The following TBC1D22A variants were observed in gnomAD, a reference collection of about 807,000 sequenced individuals.
TBC1D22A encodes TBC1 domain family member 22A.
TBC1D22A carries 38 observed loss-of-function variants against 60.2 expected under a neutral mutation model. The ratio of observed to expected loss-of-function variants is 0.63; its 90% CI spans 0.49 to 0.83. The LOEUF is 0.83. Among genes scored for constraint, TBC1D22A ranks in the 40% least tolerant of loss-of-function variants. The probability of loss-of-function intolerance (pLI) is 0.00; values close to 1 mark genes in which losing one functional copy is unlikely to be tolerated. For missense variants in TBC1D22A, 628 were observed against 701.0 expected, an observed-to-expected ratio of 0.90 and a Z score of 1.18; for synonymous variants, 302 against 281.7, an observed-to-expected ratio of 1.07 and a Z score of -0.72.
At chr22:46,898,561 A>T (rs1432389240) in intron 7 of TBC1D22A, among the ~76,000 whole-genome samples, 1 of 152,046 alleles carries the variant, frequency 6.6e-6, no homozygotes, top group Non-Finnish European at 1.5e-5. Context: ...AACGACATAG[A>T]CAAATGGAGC....
At chr22:46,913,378 A>G in intron 8 of TBC1D22A, 2 of 1,366,466 alleles carry the variant, frequency 1.5e-6, no homozygotes, top group Non-Finnish European at 9.8e-7. Context: ...CCTTGCTGTG[A>G]TCTGGAGAGA....
rs1555937381 is a variant in TBC1D22A, at chr22:46,904,134, T to TAC, written c.901-7940_901-7939insAC. Among the ~76,000 whole-genome samples, 175 of 66,562 alleles carry TAC rather than the reference T, an allele frequency of 2.6e-3. 1 individual carries two copies. Among genetic ancestry groups the TAC allele is most frequent in the African/African-American group, 0.013 (171 of 13,652 alleles). The allele number at this position is 66,562 out of a possible 152,430, so 43.7% of individuals were successfully genotyped here. ...ATCTATCTATCTATCTATCTATCTA[T>TAC]CTATCTATCTACCTACCTACCTACC... On this transcript the variant is annotated intron_variant, in intron 7 of 12. Transcript: ENST00000337137.
chr22:46,772,946 C>T (rs2083553042), intron 1 of TBC1D22A, among the ~76,000 whole-genome samples: 1 of 152,198 alleles, frequency 6.6e-6, no homozygotes, highest in Non-Finnish European at 1.5e-5. Flanking sequence ...CTTCCTTTAT[C>T]CACTTGTTGA....
intron 10 of TBC1D22A, among the ~76,000 whole-genome samples, chr22:46,998,898 C>T (rs1379791665): frequency 1.3e-5 from 2 of 152,266 alleles, no homozygotes; most frequent in Admixed American, 1.3e-4. Context: ...CGCTCCACCG[C>T]GCGGTCTTGT....
rs1343472676 is a variant in TBC1D22A, at chr22:46,833,592, G to T, written c.637+35972G>T. 3.9e-5 allele frequency among the ~76,000 whole-genome samples: 6 copies of T among 152,334 alleles called. No homozygotes were observed. In the East Asian group the frequency reaches 1.2e-3, roughly 29 times the overall value. ...TGATAAGACTCAAGCCAGCAACTGA[G>T]AAAGGACGAATATTCAAAGGAAGGG... is the stretch of plus-strand genomic sequence containing the variant. On this transcript the variant is annotated intron_variant, in intron 4 of 12. Coordinates refer to ENST00000337137, the MANE Select transcript of TBC1D22A (RefSeq NM_014346.5).
chr22:47,103,548 G>A (rs1485044427), intron 11 of TBC1D22A, among the ~76,000 whole-genome samples: 1 of 152,142 alleles, frequency 6.6e-6, no homozygotes, highest in Non-Finnish European at 1.5e-5. Flanking sequence ...AAGGCAGTGG[G>A]TATTTAAAAA....
chr22:46,973,071 G>A (rs765171517), intron 8 of TBC1D22A, among the ~76,000 whole-genome samples: 19 of 152,316 alleles, frequency 1.2e-4, no homozygotes, highest in Non-Finnish European at 2.2e-4. Flanking sequence ...GGGAGGTGGC[G>A]TGTCACCTCG....
At chr22:47,031,478 C>T (rs16996195) in intron 10 of TBC1D22A, among the ~76,000 whole-genome samples, 3,259 of 152,340 alleles carry the variant, frequency 0.021, 107 homozygotes, top group African/African-American at 0.073. Flanking sequence ...GTGAGGTTAA[C>T]GCTGTGTCCG....
At chr22:46,822,158 T>G (rs1217003358) in intron 4 of TBC1D22A, among the ~76,000 whole-genome samples, 1 of 152,074 alleles carries the variant, frequency 6.6e-6, no homozygotes, top group Non-Finnish European at 1.5e-5. Flanking sequence ...TCAAGGTTCT[T>G]AGCTTCTTTG....
At chr22:47,001,003 C>G (rs1184325193) in intron 10 of TBC1D22A, among the ~76,000 whole-genome samples, 1 of 152,100 alleles carries the variant, frequency 6.6e-6, no homozygotes, top group Non-Finnish European at 1.5e-5. Flanking sequence ...GAAAAATCAT[C>G]CCAAAGCTGG....
intron 11 of TBC1D22A, among the ~76,000 whole-genome samples, chr22:47,045,939 G>C (rs1005049198): frequency 1.3e-5 from 2 of 152,158 alleles, no homozygotes; most frequent in Non-Finnish European, 2.9e-5. Context: ...CCCAGCATCC[G>C]ATTTTTGGAG....
At chr22:47,059,132 G>A (rs1237327265) in intron 11 of TBC1D22A, among the ~76,000 whole-genome samples, 1 of 152,266 alleles carries the variant, frequency 6.6e-6, no homozygotes, top group South Asian at 2.1e-4. Context: ...CTCGGCCAGG[G>A]TAGGTGCTCT....
chr22:46,765,880 C>T (rs112743494), intron 1 of TBC1D22A, among the ~76,000 whole-genome samples: 3,337 of 151,182 alleles, frequency 0.022, 117 homozygotes, highest in African/African-American at 0.077. Flanking sequence ...TCCTGGGTCC[C>T]GGTTGAAGCA....
intron 12 of TBC1D22A, among the ~76,000 whole-genome samples, chr22:47,154,869 T>C (rs1345144890): frequency 1.3e-5 from 2 of 152,196 alleles, no homozygotes; most frequent in South Asian, 4.1e-4. Flanking sequence ...GCGTTTTCAC[T>C]CGGGATCGCT....
chr22:46,929,947 A>C (rs2071262106), intron 8 of TBC1D22A, among the ~76,000 whole-genome samples: 1 of 152,198 alleles, frequency 6.6e-6, no homozygotes, highest in Admixed American at 6.5e-5. Flanking sequence ...GGGAGGCAGC[A>C]GTAGAGAGCT....
chr22:47,047,483 A>C (rs915432977), intron 11 of TBC1D22A, among the ~76,000 whole-genome samples: 2 of 152,206 alleles, frequency 1.3e-5, no homozygotes, highest in African/African-American at 4.8e-5. Context: ...AACCTTCAGC[A>C]CAGCTGGTTG....
At chr22:46,995,125 C>G (rs1486752776) in intron 9 of TBC1D22A, among the ~76,000 whole-genome samples, 2 of 152,192 alleles carry the variant, frequency 1.3e-5, no homozygotes, top group Admixed American at 6.5e-5. Context: ...CCAAGCTTCT[C>G]CCTGAATCAG....
intron 6 of TBC1D22A, among the ~76,000 whole-genome samples, chr22:46,891,848 C>T (rs115974688): frequency 6.6e-6 from 1 of 152,140 alleles, no homozygotes; most frequent in Non-Finnish European, 1.5e-5. Flanking sequence ...GTGATACCGA[C>T]CCAGGAAAGG....
In TBC1D22A at chr22:47,076,390, C is replaced by T. The variant is rs974210131; in HGVS notation, c.1330-35118C>T. ...ATATATATATATATATACACACACA[C>T]ACACACACACACACACACATATATA... is the stretch of plus-strand genomic sequence containing the variant. On this transcript the variant is annotated intron_variant, in intron 11 of 12. Coordinates refer to ENST00000337137, the MANE Select transcript of TBC1D22A (RefSeq NM_014346.5). 1.8e-3 allele frequency among the ~76,000 whole-genome samples: 139 copies of T among 78,608 alleles called. 1 individual carries two copies. Among genetic ancestry groups the T allele is most frequent in the East Asian group, 7.8e-3 (12 of 1,548 alleles). 51.6% of individuals were successfully genotyped at this position (78,608 alleles called of 152,430 possible).
Sources: gnomAD v4.1 joint callset for allele counts (sites outside exome capture counted in the v4.1 genomes callset) on GRCh38, gnomAD v4.1.1 for gene constraint, MANE v1.5 for transcripts, NCBI Gene and HGNC (gene_info 2026-07-23, HGNC 2026-07-21) for gene names.